RBFOX1: variants seen among roughly 807,000 people sequenced by gnomAD.
The protein encoded by RBFOX1 is RNA binding protein fox-1 homolog 1.
A neutral mutation model predicts 57.7 loss-of-function variants in RBFOX1; 8 were observed. The ratio of observed to expected loss-of-function variants is 0.14; its 90% CI spans 0.08 to 0.25. The LOEUF is 0.25. Ranked by LOEUF, RBFOX1 falls within the 10% of genes least tolerant of loss-of-function variation. The probability of loss-of-function intolerance (pLI) is 1.00; values close to 1 mark genes in which losing one functional copy is unlikely to be tolerated. For synonymous variants in RBFOX1, 326 were observed against 222.4 expected, an observed-to-expected ratio of 1.47 and a Z score of -4.15; for missense variants, 611 against 548.5, an observed-to-expected ratio of 1.11 and a Z score of -1.14.
chr16:5,614,029 T>C (rs1386189443), intron 3 of RBFOX1, among the ~76,000 whole-genome samples: 2 of 152,112 alleles, frequency 1.3e-5, no homozygotes, highest in African/African-American at 4.8e-5. Flanking sequence ...GAGTGTCAAA[T>C]TCTGTAGGAA....
chr16:6,923,439 A>T lies in RBFOX1; in HGVS notation c.-15-128618A>T, dbSNP rs151159750. On this transcript the variant is annotated intron_variant, in intron 3 of 15. Coordinates refer to ENST00000550418, the MANE Select transcript of RBFOX1 (RefSeq NM_018723.4). ...TTCCAGCTACTTGGAAGGCTGAGGA[A>T]GGAGAGTTGCTGGAAACCGGGAGGT... 9.6e-4 allele frequency among the ~76,000 whole-genome samples: 146 copies of T among 152,266 alleles called. 5 individuals are homozygous for T. The highest frequency in any genetic ancestry group is 1.7e-3 in the South Asian group (8 of 4,822).
At chr16:5,402,280 G>T (rs541716223) in intron 1 of RBFOX1, among the ~76,000 whole-genome samples, 1 of 152,130 alleles carries the variant, frequency 6.6e-6, no homozygotes, top group Non-Finnish European at 1.5e-5. Flanking sequence ...TCTCCTCCTC[G>T]CCTCTATCAT....
chr16:7,245,274 T>C (rs2094243940), intron 4 of RBFOX1, among the ~76,000 whole-genome samples: 1 of 152,230 alleles, frequency 6.6e-6, no homozygotes, highest in Non-Finnish European at 1.5e-5. Flanking sequence ...TTTGAGAGCT[T>C]TGAAGATGTT....
intron 3 of RBFOX1, among the ~76,000 whole-genome samples, chr16:6,660,693 A>G (rs1450616147): frequency 6.6e-6 from 1 of 152,220 alleles, no homozygotes; most frequent in Non-Finnish European, 1.5e-5. Flanking sequence ...TGAGAAATTC[A>G]TAATACTGCA....
intron 2 of RBFOX1, among the ~76,000 whole-genome samples, chr16:6,487,287 C>T (rs912783685): frequency 6.6e-6 from 1 of 151,968 alleles, no homozygotes; most frequent in Non-Finnish European, 1.5e-5. Flanking sequence ...AGCCCAATTT[C>T]ACTGCCTAGA....
At chr16:7,352,063 G>T (rs765628013) in intron 4 of RBFOX1, among the ~76,000 whole-genome samples, 12 of 152,100 alleles carry the variant, frequency 7.9e-5, no homozygotes, top group Admixed American at 1.3e-4. Context: ...AATATGTCAC[G>T]CTGTAGGCAT....
intron 1 of RBFOX1, among the ~76,000 whole-genome samples, chr16:6,242,255 T>C (rs1479983571): frequency 3.3e-5 from 5 of 152,202 alleles, no homozygotes; most frequent in African/African-American, 1.2e-4. Context: ...TGTTGTTTAT[T>C]CAAACAGGAT....
At chr16:5,705,957 A>T (rs568973707) in intron 3 of RBFOX1, among the ~76,000 whole-genome samples, 1 of 152,020 alleles carries the variant, frequency 6.6e-6, no homozygotes, top group Non-Finnish European at 1.5e-5. Context: ...GTTGCCCACG[A>T]TGGAGTGCAG....
intron 3 of RBFOX1, among the ~76,000 whole-genome samples, chr16:6,881,627 C>T (rs1189690583): frequency 1.3e-5 from 2 of 152,170 alleles, no homozygotes; most frequent in East Asian, 1.9e-4. Context: ...TAACTTGATT[C>T]CCTCTGCAAA....
At chr16:5,617,300 C>A (rs1037793226) in intron 3 of RBFOX1, among the ~76,000 whole-genome samples, 4 of 152,160 alleles carry the variant, frequency 2.6e-5, no homozygotes, top group Non-Finnish European at 4.4e-5. Flanking sequence ...TCAATGCTGC[C>A]CTTCGGACTA....
chr16:5,374,823 G>C (rs937315572), intron 1 of RBFOX1, among the ~76,000 whole-genome samples: 1 of 151,234 alleles, frequency 6.6e-6, no homozygotes, highest in East Asian at 1.9e-4. Flanking sequence ...ATGAAGTTTT[G>C]AATTCTACCA....
chr16:7,345,278 C>T (rs777667588), intron 4 of RBFOX1, among the ~76,000 whole-genome samples: 22 of 152,130 alleles, frequency 1.4e-4, no homozygotes, highest in Admixed American at 3.3e-4. Context: ...CCCTCTACAG[C>T]TCTGCATTTG....
intron 4 of RBFOX1, among the ~76,000 whole-genome samples, chr16:5,916,236 G>A (rs958324668): frequency 9.9e-5 from 15 of 152,112 alleles, no homozygotes; most frequent in Non-Finnish European, 1.5e-4. Flanking sequence ...TCCCATCACC[G>A]TAACAGGTTG....
intron 1 of RBFOX1, among the ~76,000 whole-genome samples, chr16:5,301,978 A>C (rs1235894011): frequency 6.6e-6 from 1 of 151,784 alleles, no homozygotes; most frequent in African/African-American, 2.4e-5. Context: ...TTTCTTTCTT[A>C]TAATTACTTT....
intron 3 of RBFOX1, among the ~76,000 whole-genome samples, chr16:5,769,634 C>G (rs774380900): frequency 3.3e-5 from 5 of 152,072 alleles, no homozygotes; most frequent in Middle Eastern, 6.8e-3. Context: ...GTCTGGGCAA[C>G]AGAGTGAGAC....
chr16:7,709,195 C>G, intron 15 of RBFOX1, 64 bp downstream of exon 15: 1 of 1,459,942 alleles, frequency 6.8e-7, no homozygotes, highest in Non-Finnish European at 9.5e-7. Flanking sequence ...CCAGCTGGGA[C>G]CTCAGTACGG....
At chr16:6,147,479 A>C (rs1481558936) in intron 1 of RBFOX1, among the ~76,000 whole-genome samples, 1 of 152,094 alleles carries the variant, frequency 6.6e-6, no homozygotes, top group Non-Finnish European at 1.5e-5. Context: ...TCATGGGTCA[A>C]AGCCAGAGAG....
chr16:7,238,658 C>A (rs750273425), intron 4 of RBFOX1, among the ~76,000 whole-genome samples: 1 of 152,092 alleles, frequency 6.6e-6, no homozygotes, highest in African/African-American at 2.4e-5. Context: ...TTTATTTTAT[C>A]TTCAGGGGTA....
At chr16:7,330,998 G>C (rs1207998737) in intron 4 of RBFOX1, among the ~76,000 whole-genome samples, 1 of 152,138 alleles carries the variant, frequency 6.6e-6, no homozygotes, top group East Asian at 1.9e-4. Flanking sequence ...GCTGTTATGG[G>C]AGCTTTTTGA....
Sources: gnomAD v4.1 joint callset for allele counts (sites outside exome capture counted in the v4.1 genomes callset) on GRCh38, gnomAD v4.1.1 for gene constraint, MANE v1.5 for transcripts, NCBI Gene and HGNC (gene_info 2026-07-23, HGNC 2026-07-21) for gene names.